Variants in POC1A observed in about 807,000 individuals in gnomAD.
POC1A encodes the protein POC1 centriolar protein A, also known as POC1 centriolar protein homolog A.
Under a neutral mutation model 47.8 loss-of-function variants are expected in POC1A, and 34 were observed. The ratio of observed to expected loss-of-function variants is 0.71; its 90% CI spans 0.54 to 0.95. The LOEUF (loss-of-function observed/expected upper bound fraction) is 0.95, where lower values mean the gene tolerates loss of function less well. Among genes scored for constraint, POC1A ranks in the 40% least tolerant of loss-of-function variants. The pLI, the probability that POC1A is intolerant of heterozygous loss-of-function variation, is 0.00. For missense variants in POC1A, 466 were observed against 528.3 expected, an observed-to-expected ratio of 0.88 and a Z score of 1.16; for synonymous variants, 177 against 207.6, an observed-to-expected ratio of 0.85 and a Z score of 1.27.
At chr3:52,078,659 C>G (rs948361872) in intron 10 of POC1A, among the ~76,000 whole-genome samples, 1 of 151,950 alleles carries the variant, frequency 6.6e-6, no homozygotes, top group Non-Finnish European at 1.5e-5. Flanking sequence ...TACAGGCACC[C>G]GCCACTGCGC....
chr3:52,114,864 G>A (rs1577863054), intron 9 of POC1A, among the ~76,000 whole-genome samples: 1 of 152,332 alleles, frequency 6.6e-6, no homozygotes, highest in Middle Eastern at 3.4e-3. Flanking sequence ...CCCCTTAGAA[G>A]AGGGTCTGCT....
chr3:52,123,577 G>A (rs187399624), intron 8 of POC1A, among the ~76,000 whole-genome samples: 21 of 152,340 alleles, frequency 1.4e-4, no homozygotes, highest in East Asian at 1.2e-3. Flanking sequence ...GATGGATGGC[G>A]TCTAGGGTCG....
chr3:52,148,643 C>T (rs1048937943), intron 4 of POC1A, among the ~76,000 whole-genome samples: 1 of 152,344 alleles, frequency 6.6e-6, no homozygotes, highest in South Asian at 2.1e-4. Flanking sequence ...CCCCCATCTC[C>T]GAAGCCTGCG....
At chr3:52,107,141 C>CCT (rs1174220932) in intron 9 of POC1A, among the ~76,000 whole-genome samples, 1 of 152,208 alleles carries the variant, frequency 6.6e-6, no homozygotes, top group Non-Finnish European at 1.5e-5. Flanking sequence ...CAAGAACATG[C>CCT]CTTGGCATGT....
chr3:52,122,451 A>G lies in POC1A; in HGVS notation c.909T>C (p.Asp303=). 6.2e-7 allele frequency: 1 copy of G among 1,612,054 alleles called. No homozygotes were observed. Among genetic ancestry groups the G allele is most frequent in the African/African-American group, 1.3e-5 (1 of 74,976 alleles). ...EQVMVWKSNF[D]IVDHGEVTKV... Reference sequence around the variant, plus strand: ...TCGTGACTTCTCCATGATCAACAATATCAAAGTTACTCTTCCAAACCATCA... The same window carrying G: ...TCGTGACTTCTCCATGATCAACAATGTCAAAGTTACTCTTCCAAACCATCA... The change falls in exon 9 of 11, where the codon GAT becomes GAC. Residue 303 remains aspartate, a synonymous_variant. Transcript: ENST00000296484.
At chr3:52,083,799 TCAACTCTGA>T (rs1257623748) in intron 10 of POC1A, among the ~76,000 whole-genome samples, 2 of 152,236 alleles carry the variant, frequency 1.3e-5, no homozygotes, top group East Asian at 3.9e-4. Flanking sequence ...AAGGAGAGCA[TCAACTCTGA>T]CAGGAAGGCC....
chr3:52,154,383 G>T lies in POC1A; in HGVS notation c.-11C>A, dbSNP rs759818604. 6 of 1,478,622 alleles carry T rather than the reference G, an allele frequency of 4.1e-6. No homozygotes were observed. The highest frequency in any genetic ancestry group is 1.5e-5 in the African/African-American group (1 of 67,168). 91.6% of individuals were successfully genotyped at this position (1,478,622 alleles called of 1,614,324 possible). On this transcript the variant is annotated 5_prime_UTR_variant, in exon 1 of 11. Transcript: ENST00000296484. The stretch of plus-strand genomic sequence containing the variant: ...GCAGGGCGCAGCCATGGCGGGGCTG[G>T]CGGCGCCGAAGGCAGCTGCGGTGGC...
chr3:52,078,182 C>T (rs1196242187), intron 10 of POC1A, among the ~76,000 whole-genome samples: 1 of 152,078 alleles, frequency 6.6e-6, no homozygotes, highest in African/African-American at 2.4e-5. Flanking sequence ...TCTCAGCTTC[C>T]CCTGTTCCTT....
At chr3:52,105,725 T>G (rs184496478) in intron 9 of POC1A, among the ~76,000 whole-genome samples, 5 of 152,368 alleles carry the variant, frequency 3.3e-5, no homozygotes, top group African/African-American at 9.6e-5. Context: ...AGAGAAATTC[T>G]GCTTTCCTAA....
intron 9 of POC1A, 31 bp from the exon 10 acceptor site, chr3:52,096,743 C>A: frequency 1.3e-6 from 2 of 1,529,836 alleles, no homozygotes; most frequent in Non-Finnish European, 8.7e-7. Context: ...GTTCCTCAGT[C>A]TATCCAGTGC....
At chr3:52,111,237 C>CT (rs2107040850) in intron 9 of POC1A, among the ~76,000 whole-genome samples, 2 of 152,324 alleles carry the variant, frequency 1.3e-5, no homozygotes, top group African/African-American at 4.8e-5. Context: ...CCATTAGCCC[C>CT]TCAAGGGGGC....
At chr3:52,106,302 G>C (rs552468567) in intron 9 of POC1A, among the ~76,000 whole-genome samples, 9 of 151,766 alleles carry the variant, frequency 5.9e-5, no homozygotes, top group African/African-American at 1.9e-4. Context: ...TCAGGCCTCA[G>C]AGCCACCCCT....
intron 1 of POC1A, 79 bp downstream of exon 1, chr3:52,154,276 G>T: frequency 7.0e-7 from 1 of 1,429,056 alleles, no homozygotes; most frequent in African/African-American, 1.5e-5. Flanking sequence ...GCCCCTCGCA[G>T]CCATCGCTCT....
intron 7 of POC1A, among the ~76,000 whole-genome samples, chr3:52,136,464 G>A (rs572342268): frequency 6.6e-6 from 1 of 152,318 alleles, no homozygotes; most frequent in East Asian, 1.9e-4. Flanking sequence ...AGGAAGTAGA[G>A]CTATAACATC....
At position 52,116,077 on chromosome 3, in the gene POC1A, G is replaced by C. The variant is rs1283861393; in HGVS notation, c.981+6302C>G. ...AGGTGGAAATGGGTCTCCTCTCCCT[G>C]TTTCTCCAACTCTCTAATTCCTCAG... On this transcript the variant is annotated intron_variant, in intron 9 of 10. Transcript: ENST00000296484. 2.0e-5 allele frequency among the ~76,000 whole-genome samples: 3 copies of C among 152,098 alleles called. No homozygotes were observed. The East Asian group carries it at 5.8e-4, about 29-fold the overall frequency.
intron 6 of POC1A, among the ~76,000 whole-genome samples, chr3:52,142,615 G>A (rs1036568818): frequency 7.2e-5 from 11 of 152,220 alleles, no homozygotes; most frequent in African/African-American, 2.7e-4. Context: ...GAGCCCATCA[G>A]CGTCCAACAC....
chr3:52,092,458 C>T (rs1459539494), intron 10 of POC1A, among the ~76,000 whole-genome samples: 2 of 152,176 alleles, frequency 1.3e-5, no homozygotes, highest in Admixed American at 1.3e-4. Flanking sequence ...TGGCTGGACC[C>T]CGAGGCTGGT....
intron 6 of POC1A, 112 bp downstream of exon 6, chr3:52,145,734 C>T: frequency 1.5e-6 from 1 of 659,056 alleles, no homozygotes; most frequent in Non-Finnish European, 2.7e-6. Flanking sequence ...GGACACCTTC[C>T]TGCCCAAGGC....
At chr3:52,096,756 G>A (rs752151269) in intron 9 of POC1A, 44 bp from the exon 10 acceptor site, 4 of 1,494,778 alleles carry the variant, frequency 2.7e-6, no homozygotes, top group Non-Finnish European at 3.6e-6. Context: ...TCCAGTGCTT[G>A]AAGAAATACT....
Sources: allele counts gnomAD v4.1 joint callset (sites outside exome capture counted in the v4.1 genomes callset), GRCh38; gene constraint gnomAD v4.1.1; transcripts MANE v1.5; gene names NCBI Gene and HGNC (gene_info 2026-07-23, HGNC 2026-07-21).